Variants in TNR observed in about 807,000 individuals in gnomAD.
TNR encodes tenascin R.
A neutral mutation model predicts 150.4 loss-of-function variants in TNR; 45 were observed. That is an observed-to-expected ratio of 0.30 (90% confidence interval 0.24 to 0.38). TNR has a LOEUF of 0.38. Ranked by LOEUF, TNR falls within the 10% of genes least tolerant of loss-of-function variation. TNR has a pLI of 1.00. For missense variants in TNR, 1,544 were observed against 1,759.1 expected, an observed-to-expected ratio of 0.88 and a Z score of 2.19; for synonymous variants, 687 against 678.4, an observed-to-expected ratio of 1.01 and a Z score of -0.20.
At chr1:175,687,294 C>T (rs914852526) in intron 1 of TNR, among the ~76,000 whole-genome samples, 1 of 152,142 alleles carries the variant, frequency 6.6e-6, no homozygotes, top group Non-Finnish European at 1.5e-5. Flanking sequence ...ACTCACTTTT[C>T]TTATCTCTTA....
intron 2 of TNR, among the ~76,000 whole-genome samples, chr1:175,501,290 T>C (rs6693199): frequency 0.57 from 86,314 of 151,792 alleles, 24,624 homozygotes; most frequent in Admixed American, 0.63. Context: ...AGCGGCTATG[T>C]TGTAAATGGA....
chr1:175,551,862 C>T (rs893923221), intron 1 of TNR, among the ~76,000 whole-genome samples: 2 of 152,142 alleles, frequency 1.3e-5, no homozygotes, highest in African/African-American at 4.8e-5. Context: ...GGAGGGGCAA[C>T]GTGTGTGCAC....
chr1:175,511,745 C>T (rs1659182995), intron 2 of TNR, among the ~76,000 whole-genome samples: 1 of 152,210 alleles, frequency 6.6e-6, no homozygotes, highest in Admixed American at 6.5e-5. Flanking sequence ...GACTGCTTCT[C>T]ACACTGACAA....
intron 1 of TNR, among the ~76,000 whole-genome samples, chr1:175,557,343 T>C (rs1425752689): frequency 6.6e-6 from 1 of 152,228 alleles, no homozygotes; most frequent in East Asian, 1.9e-4. Context: ...TTTGTGATAA[T>C]ATTACTCACA....
chr1:175,718,786 C>A (rs766442931), intron 1 of TNR, among the ~76,000 whole-genome samples: 1 of 152,162 alleles, frequency 6.6e-6, no homozygotes, highest in Non-Finnish European at 1.5e-5. Context: ...ACTTGTCTAA[C>A]GTAACACAGG....
intron 1 of TNR, among the ~76,000 whole-genome samples, chr1:175,695,407 A>C (rs1314214635): frequency 6.6e-6 from 1 of 152,254 alleles, no homozygotes; most frequent in African/African-American, 2.4e-5. Context: ...TCAGAACTGC[A>C]CAGCTAAGCT....
chr1:175,615,683 A>G (rs965937887), intron 1 of TNR, among the ~76,000 whole-genome samples: 8 of 152,160 alleles, frequency 5.3e-5, no homozygotes, highest in Admixed American at 5.2e-4. Context: ...CAGGAATTAG[A>G]GTGTAGAGAG....
chr1:175,364,939 A>G, intron 12 of TNR, 71 bp downstream of exon 12: 1 of 1,510,466 alleles, frequency 6.6e-7, no homozygotes. Context: ...CTCTTTTAAA[A>G]TTTCATTGAT....
rs566210828 is a variant in TNR at position 175,581,656 on chromosome 1, G to A, written c.-164-53287C>T. Among the ~76,000 whole-genome samples the A allele has an allele frequency of 4.6e-5, 7 of 152,212 alleles. No homozygotes were observed. In the South Asian group the frequency reaches 1.5e-3, roughly 32 times the overall value. On this transcript the variant is annotated intron_variant, in intron 1 of 22. Transcript: ENST00000367674. Reference sequence around the variant, plus strand: ...TTTGACTTCACTACAATGAAGCTTTGGAATCTTTGGGGCATTTTTTTCTTA... The same window carrying A: ...TTTGACTTCACTACAATGAAGCTTTAGAATCTTTGGGGCATTTTTTTCTTA...
At chr1:175,556,668 C>A (rs536488390) in intron 1 of TNR, 17 of 153,168 alleles carry the variant, frequency 1.1e-4, no homozygotes, top group Admixed American at 3.3e-4. Context: ...TTCTCAGTCT[C>A]AGCTGTGCTT....
chr1:175,403,591 G>A lies in TNR; in HGVS notation c.525C>T (p.Cys175=), dbSNP rs752759724. ...CAAAGCTAAAGTTGCCGTGGCCACT[G>A]CAGTGAGGGATATAGTCCAGTTGTC... ...ATGQLDYIPH[C]SGHGNFSFES... Residue 175 remains cysteine (C), a synonymous_variant, in exon 4 of 23, where the codon TGC becomes TGT. Coordinates refer to ENST00000367674, the MANE Select transcript of TNR (RefSeq NM_003285.3). 1 of 1,613,756 alleles carries A rather than the reference G, an allele frequency of 6.2e-7. No individual in the cohort carries two copies. Among genetic ancestry groups the A allele is most frequent in the East Asian group, 2.2e-5 (1 of 44,876 alleles).
At chr1:175,393,706 C>T in intron 6 of TNR, 74 bp downstream of exon 6, 1 of 1,236,492 alleles carries the variant, frequency 8.1e-7, no homozygotes. Flanking sequence ...ACTTTCCTTG[C>T]TGCCCCTGAT....
At chr1:175,569,234 A>C (rs1350813853) in intron 1 of TNR, among the ~76,000 whole-genome samples, 2 of 152,214 alleles carry the variant, frequency 1.3e-5, no homozygotes, top group African/African-American at 4.8e-5. Context: ...TGAACACAGG[A>C]GATAAAGACA....
At chr1:175,632,438 A>C (rs577397237) in intron 1 of TNR, among the ~76,000 whole-genome samples, 1 of 152,328 alleles carries the variant, frequency 6.6e-6, no homozygotes, top group African/African-American at 2.4e-5. Context: ...CTATTATTTC[A>C]ACATCAGATT....
intron 1 of TNR, among the ~76,000 whole-genome samples, chr1:175,704,401 G>A (rs1666788115): frequency 6.6e-6 from 1 of 152,218 alleles, no homozygotes; most frequent in African/African-American, 2.4e-5. Flanking sequence ...GGTGGACAGA[G>A]CTTGGAGAAA....
At chr1:175,663,703 C>G (rs534721782) in intron 1 of TNR, among the ~76,000 whole-genome samples, 2 of 152,162 alleles carry the variant, frequency 1.3e-5, no homozygotes, top group Non-Finnish European at 2.9e-5. Flanking sequence ...CTGGCTCTCA[C>G]CCTTTAAATG....
chr1:175,478,656 A>G (rs1245663161), intron 2 of TNR, among the ~76,000 whole-genome samples: 1 of 152,036 alleles, frequency 6.6e-6, no homozygotes, highest in South Asian at 2.1e-4. Context: ...GACAGCCTCC[A>G]GGGCGATGCT....
At chr1:175,474,642 C>T (rs940477786) in intron 2 of TNR, among the ~76,000 whole-genome samples, 10 of 152,192 alleles carry the variant, frequency 6.6e-5, no homozygotes, top group East Asian at 1.9e-4. Context: ...AGAGGGCATC[C>T]GTAGCCATGT....
intron 7 of TNR, 109 bp downstream of exon 7, chr1:175,391,179 A>G: frequency 7.2e-7 from 1 of 1,392,948 alleles, no homozygotes; most frequent in Middle Eastern, 2.7e-4. Flanking sequence ...TCCCAGCTCT[A>G]GGAGAAATTC....
Sources: gnomAD v4.1 joint callset for allele counts (sites outside exome capture counted in the v4.1 genomes callset) on GRCh38, gnomAD v4.1.1 for gene constraint, MANE v1.5 for transcripts, NCBI Gene and HGNC (gene_info 2026-07-23, HGNC 2026-07-21) for gene names.